GSG1L: variants seen among roughly 807,000 people sequenced by gnomAD.
GSG1L encodes GSG1 like.
Under a neutral mutation model 42.1 loss-of-function variants are expected in GSG1L, and 24 were observed. The observed-to-expected ratio is 0.57, with a 90% CI of 0.41 to 0.80. The LOEUF (loss-of-function observed/expected upper bound fraction) is 0.80. Ranked by LOEUF, GSG1L falls within the 30% of genes least tolerant of loss-of-function variation. The pLI, the probability that GSG1L is intolerant of heterozygous loss-of-function variation, is 0.00. For synonymous variants in GSG1L, 215 were observed against 203.5 expected (o/e 1.06, Z -0.48); for missense variants, 445 against 472.2 (o/e 0.94, Z 0.53).
At chr16:27,909,635 CTTTT>C (rs10709968) in intron 2 of GSG1L, among the ~76,000 whole-genome samples, 4 of 88,266 alleles carry the variant, frequency 4.5e-5, no homozygotes, top group African/African-American at 9.3e-5. Flanking sequence ...CTGCACCCAG[CTTTT>C]TTTTTTTTTT....
intron 2 of GSG1L, among the ~76,000 whole-genome samples, chr16:27,914,525 T>TTTCTA (rs1286228889): frequency 7.0e-6 from 1 of 142,980 alleles, no homozygotes; most frequent in Non-Finnish European, 1.5e-5. Flanking sequence ...TTTCTTTTCT[T>TTTCTA]TTCTATTTTT....
At chr16:27,854,115 C>T (rs115774383) in intron 3 of GSG1L, among the ~76,000 whole-genome samples, 4,794 of 151,560 alleles carry the variant, frequency 0.032, 273 homozygotes, top group African/African-American at 0.11. Context: ...GAGACAGTTT[C>T]TCTTCCCCTT....
chr16:27,860,218 C>A (rs555964474), intron 3 of GSG1L, among the ~76,000 whole-genome samples: 1 of 152,366 alleles, frequency 6.6e-6, no homozygotes, highest in Admixed American at 6.5e-5. Context: ...CAGTCTGCAC[C>A]TGCCTGCCCT....
At chr16:27,858,546 A>T (rs970745722) in intron 3 of GSG1L, among the ~76,000 whole-genome samples, 5 of 152,208 alleles carry the variant, frequency 3.3e-5, no homozygotes, top group Admixed American at 6.5e-5. Context: ...TTTCTGGATG[A>T]TAGGCTGTCT....
At chr16:28,015,346 A>T (rs954540860) in intron 1 of GSG1L, among the ~76,000 whole-genome samples, 27 of 152,312 alleles carry the variant, frequency 1.8e-4, no homozygotes, top group Non-Finnish European at 3.4e-4. Flanking sequence ...CTACAAAAAA[A>T]TTTTTTTAAT....
At chr16:27,891,461 GTTATTATTAA>G (rs2084125476) in intron 2 of GSG1L, among the ~76,000 whole-genome samples, 1 of 151,788 alleles carries the variant, frequency 6.6e-6, no homozygotes, top group South Asian at 2.1e-4. Context: ...TTTATTATTT[GTTATTATTAA>G]TTATTCATTT....
chr16:27,947,521 A>G (rs1164483767), intron 2 of GSG1L, among the ~76,000 whole-genome samples: 1 of 145,550 alleles, frequency 6.9e-6, no homozygotes, highest in Non-Finnish European at 1.5e-5. Context: ...GAAAGAAAGA[A>G]AAAGAAAGAA....
At chr16:28,046,100 G>A (rs892501277) in intron 1 of GSG1L, among the ~76,000 whole-genome samples, 67 of 152,104 alleles carry the variant, frequency 4.4e-4, no homozygotes, top group Admixed American at 5.2e-4. Context: ...TAGGATTTCA[G>A]GAAAAATATT....
intron 1 of GSG1L, among the ~76,000 whole-genome samples, chr16:27,979,729 A>AGGAAGGAAAGAG (rs1279137204): frequency 1.2e-5 from 1 of 83,076 alleles, no homozygotes; most frequent in African/African-American, 4.5e-5. Flanking sequence ...GAAGGAAGGA[A>AGGAAGGAAAGAG]AGAAAAAGAA....
At chr16:27,818,882 C>A (rs1382033203) in intron 5 of GSG1L, among the ~76,000 whole-genome samples, 1 of 152,014 alleles carries the variant, frequency 6.6e-6, no homozygotes, top group Non-Finnish European at 1.5e-5. Context: ...AAGCCATGCG[C>A]ATGTCAGTGC....
At chr16:27,847,463 T>C (rs987160783) in intron 3 of GSG1L, among the ~76,000 whole-genome samples, 13 of 152,162 alleles carry the variant, frequency 8.5e-5, no homozygotes, top group African/African-American at 2.7e-4. Context: ...CTGAATTCTG[T>C]TAAGTCCAGG....
chr16:27,986,172 G>A (rs1018006005), intron 1 of GSG1L, among the ~76,000 whole-genome samples: 1 of 152,160 alleles, frequency 6.6e-6, no homozygotes, highest in Non-Finnish European at 1.5e-5. Flanking sequence ...TTGCCGCAGG[G>A]AGGCTACTCC....
At chr16:27,880,273 A>G (rs2083937004) in intron 3 of GSG1L, among the ~76,000 whole-genome samples, 1 of 152,044 alleles carries the variant, frequency 6.6e-6, no homozygotes, top group African/African-American at 2.4e-5. Flanking sequence ...ATCTCCTCAT[A>G]TTGTGTCTCT....
intron 1 of GSG1L, among the ~76,000 whole-genome samples, chr16:28,025,669 G>A (rs1384320445): frequency 6.6e-6 from 1 of 152,220 alleles, no homozygotes; most frequent in East Asian, 1.9e-4. Flanking sequence ...ACGAATAAAT[G>A]AGCAAGAGAG....
At chr16:27,928,172 T>C (rs908652150) in intron 2 of GSG1L, among the ~76,000 whole-genome samples, 11 of 152,202 alleles carry the variant, frequency 7.2e-5, no homozygotes, top group African/African-American at 2.7e-4. Context: ...ACAAGCATTG[T>C]CTTCTTTCAT....
At chr16:27,838,328 G>T (rs2083342033) in intron 4 of GSG1L, among the ~76,000 whole-genome samples, 1 of 152,186 alleles carries the variant, frequency 6.6e-6, no homozygotes, top group African/African-American at 2.4e-5. Flanking sequence ...ATATCCATGA[G>T]CCTTCATCTC....
intron 2 of GSG1L, among the ~76,000 whole-genome samples, chr16:27,923,469 G>T (rs1469042103): frequency 6.6e-6 from 1 of 152,218 alleles, no homozygotes; most frequent in Non-Finnish European, 1.5e-5. Flanking sequence ...AAAACGCCAG[G>T]CAAAGTGGTT....
chr16:27,809,593 C>A (rs1044762913), intron 5 of GSG1L, among the ~76,000 whole-genome samples: 4 of 143,204 alleles, frequency 2.8e-5, no homozygotes, highest in African/African-American at 1.1e-4. Flanking sequence ...AAAAAAAAAC[C>A]AATCATTATT....
chr16:27,962,835 C>T (rs756647023), intron 2 of GSG1L, among the ~76,000 whole-genome samples: 4 of 152,208 alleles, frequency 2.6e-5, no homozygotes, highest in Non-Finnish European at 5.9e-5. Flanking sequence ...ACCCCAACAC[C>T]AGTCTTGCCT....
Sources: gnomAD v4.1 joint callset for allele counts (sites outside exome capture counted in the v4.1 genomes callset) on GRCh38, gnomAD v4.1.1 for gene constraint, MANE v1.5 for transcripts, NCBI Gene and HGNC (gene_info 2026-07-23, HGNC 2026-07-21) for gene names.